The following PREP variants were observed in gnomAD, a reference collection of about 807,000 sequenced individuals.
PREP encodes the protein dJ355L5.1 (prolyl endopeptidase).
PREP carries 29 observed loss-of-function variants against 87.6 expected under a neutral mutation model. The ratio of observed to expected loss-of-function variants is 0.33; its 90% CI spans 0.25 to 0.45. The LOEUF is 0.45. PREP is among the 20% of genes least tolerant of loss of function. The probability of loss-of-function intolerance (pLI) is 1.00; values close to 1 mark genes in which losing one functional copy is unlikely to be tolerated. For synonymous variants in PREP, 337 were observed against 328.6 expected (o/e 1.03, Z -0.28); for missense variants, 695 against 886.5 (o/e 0.78, Z 2.74).
At chr6:105,307,801 CAG>C (rs1562194074) in intron 10 of PREP, among the ~76,000 whole-genome samples, 1 of 152,028 alleles carries the variant, frequency 6.6e-6, no homozygotes, top group Non-Finnish European at 1.5e-5. Flanking sequence ...TTAGTAGAGA[CAG>C]AGTTTTTCCA....
intron 7 of PREP, 114 bp downstream of exon 7, chr6:105,352,858 G>T: frequency 1.1e-6 from 1 of 904,012 alleles, no homozygotes; most frequent in South Asian, 1.7e-5. Context: ...CAGATGAACT[G>T]ACATGATGTG....
chr6:105,397,840 G>C lies in PREP; in HGVS notation c.120+13C>G, dbSNP rs1773323969. The C allele has an allele frequency of 6.3e-7, 1 of 1,590,558 alleles. No homozygotes were observed. The highest frequency in any genetic ancestry group is 8.6e-7 in the Non-Finnish European group (1 of 1,158,748). On this transcript the variant is annotated intron_variant, in intron 2 of 14. Coordinates refer to ENST00000652536, the MANE Select transcript of PREP (RefSeq NM_002726.5). ...ACTAAGGCTGCCTTATCTTTAATTAGAAACCAAATTACCTTAGTCTGTTCA... is the reference window on the plus strand; with the variant it reads ...ACTAAGGCTGCCTTATCTTTAATTACAAACCAAATTACCTTAGTCTGTTCA...
At chr6:105,338,014 A>G (rs1771524251) in intron 7 of PREP, among the ~76,000 whole-genome samples, 1 of 152,204 alleles carries the variant, frequency 6.6e-6, no homozygotes, top group South Asian at 2.1e-4. Flanking sequence ...AAAAATCCCC[A>G]TTCCTTAAAA....
At chr6:105,400,141 A>G (rs1254194153) in intron 1 of PREP, among the ~76,000 whole-genome samples, 1 of 152,136 alleles carries the variant, frequency 6.6e-6, no homozygotes, top group African/African-American at 2.4e-5. Context: ...TACCCTACAA[A>G]TGAGGTGGAT....
intron 1 of PREP, among the ~76,000 whole-genome samples, chr6:105,399,061 A>C (rs6568372): frequency 0.45 from 68,599 of 151,630 alleles, 19,154 homozygotes; most frequent in African/African-American, 0.8. Context: ...GAGCTGAGAC[A>C]ACGCCTATTG....
chr6:105,323,762 A>G lies in PREP; in HGVS notation c.1220T>C (p.Ile407Thr), dbSNP rs571209665. ...CTCTTTGGTAAGATCACAGTGATAA[A>G]TGATACCTAAAAAGTAGAATAAGGC... is the stretch of plus-strand genomic sequence containing the variant. ...QFTSFLSPGI[I>T]YHCDLTKEEL... Residue 407 changes from isoleucine to threonine, a missense_variant, in exon 10 of 15, where the codon ATT (isoleucine) becomes ACT (threonine). Ile to Thr is a moderately conservative substitution (Grantham distance 89, BLOSUM62 -1). This residue lies in a region of PREP where 517 missense variants were observed against 620.3 expected (regional missense o/e 0.83). Transcript: ENST00000652536. The G allele has an allele frequency of 1.9e-6, 3 of 1,610,806 alleles. No homozygotes were observed. Among genetic ancestry groups the G allele is most frequent in the Non-Finnish European group, 2.5e-6 (3 of 1,177,000 alleles).
In PREP at chr6:105,373,846, A is replaced by C. The variant is rs541838908; in HGVS notation, c.386-268T>G. The stretch of plus-strand genomic sequence containing the variant: ...ATTATATGCCTACTAAAATGCTTTC[A>C]TTTTGAAATTTTTATAATGCAATAG... On this transcript the variant is annotated intron_variant, in intron 4 of 14. Transcript: ENST00000652536. 1.1e-4 allele frequency among the ~76,000 whole-genome samples: 16 copies of C among 152,346 alleles called. No individual in the cohort carries two copies. The South Asian group carries it at 3.3e-3, about 32-fold the overall frequency.
intron 7 of PREP, among the ~76,000 whole-genome samples, chr6:105,338,234 A>C (rs1231360423): frequency 6.6e-6 from 1 of 152,184 alleles, no homozygotes; most frequent in African/African-American, 2.4e-5. Flanking sequence ...TTCACAAAAT[A>C]ACCACCTTAT....
At chr6:105,385,283 TAA>T (rs11354337) in intron 2 of PREP, among the ~76,000 whole-genome samples, 82 of 122,594 alleles carry the variant, frequency 6.7e-4, no homozygotes, top group African/African-American at 1.2e-3. Context: ...AGATCTGCTT[TAA>T]AAAAAAAAAA....
At chr6:105,291,131 A>AC (rs397973662) in intron 10 of PREP, among the ~76,000 whole-genome samples, 3 of 152,168 alleles carry the variant, frequency 2.0e-5, no homozygotes, top group Non-Finnish European at 4.4e-5. Flanking sequence ...GCTAAAAAAA[A>AC]CACTAATGGT....
chr6:105,333,287 C>T, intron 8 of PREP, 27 bp downstream of exon 8: 1 of 1,596,010 alleles, frequency 6.3e-7, no homozygotes, highest in Non-Finnish European at 8.6e-7. Flanking sequence ...AACAAGAGCA[C>T]AATTTTCAAG....
chr6:105,400,800 C>T (rs1583112976), intron 1 of PREP, among the ~76,000 whole-genome samples: 1 of 152,198 alleles, frequency 6.6e-6, no homozygotes, highest in African/African-American at 2.4e-5. Context: ...AAGCTTTCAG[C>T]AGGAGAGTAC....
rs890850416 is a variant in PREP at position 105,274,769 on chromosome 6, A to C, written c.*3375T>G. Among the ~76,000 whole-genome samples, 3 of 152,062 alleles carry C rather than the reference A, an allele frequency of 2.0e-5. No homozygotes were observed. The highest frequency in any genetic ancestry group is 2.1e-4 in the South Asian group (1 of 4,810). On this transcript the variant is annotated 3_prime_UTR_variant, in exon 15 of 15. Transcript: ENST00000652536. ...GGCCGTAACAGCAAAACTCCATCCC[A>C]AAAAAAGAGTGCAGTATCCAAGGCC...
At chr6:105,360,096 A>G (rs965486576) in intron 6 of PREP, among the ~76,000 whole-genome samples, 3 of 152,224 alleles carry the variant, frequency 2.0e-5, no homozygotes, top group African/African-American at 7.2e-5. Flanking sequence ...CAGGCCCAAC[A>G]AACAGTTCAC....
chr6:105,277,959 A>C lies in PREP; in HGVS notation c.*185T>G, dbSNP rs1264952267. On this transcript the variant is annotated 3_prime_UTR_variant, in exon 15 of 15. Coordinates refer to ENST00000652536, the MANE Select transcript of PREP (RefSeq NM_002726.5). The stretch of plus-strand genomic sequence containing the variant: ...AGACAGGGTGGAAAAAGAAACACCA[A>C]GGCCTTGCTAAAAAGGAGAAGCCTA... The C allele has an allele frequency of 1.2e-6, 1 of 843,784 alleles. No homozygotes were observed. Among genetic ancestry groups the C allele is most frequent in the African/African-American group, 1.7e-5 (1 of 58,624 alleles). 52.3% of individuals were successfully genotyped at this position (843,784 alleles called of 1,614,324 possible).
chr6:105,289,997 T>G (rs1332009748), intron 10 of PREP, among the ~76,000 whole-genome samples: 1 of 151,168 alleles, frequency 6.6e-6, no homozygotes, highest in Non-Finnish European at 1.5e-5. Context: ...GAGATAGGAG[T>G]TATAGGACCA....
At chr6:105,340,885 T>C (rs1233343817) in intron 7 of PREP, among the ~76,000 whole-genome samples, 1 of 152,192 alleles carries the variant, frequency 6.6e-6, no homozygotes, top group Non-Finnish European at 1.5e-5. Context: ...CCCAGATTCA[T>C]AAAGCAAGTC....
At chr6:105,305,545 A>G (rs906673658) in intron 10 of PREP, among the ~76,000 whole-genome samples, 1 of 152,182 alleles carries the variant, frequency 6.6e-6, no homozygotes, top group South Asian at 2.1e-4. Flanking sequence ...TGGGGTGGGG[A>G]AAAACGGGGC....
chr6:105,307,279 G>A (rs1562193943), intron 10 of PREP, among the ~76,000 whole-genome samples: 2 of 152,064 alleles, frequency 1.3e-5, no homozygotes, highest in Admixed American at 6.5e-5. Context: ...GAATTTGTAT[G>A]TATGATTTCT....
Sources: allele counts gnomAD v4.1 joint callset (sites outside exome capture counted in the v4.1 genomes callset), GRCh38; gene constraint gnomAD v4.1.1; regional missense constraint gnomAD v4.1.1; transcripts MANE v1.5; gene names NCBI Gene and HGNC (gene_info 2026-07-23, HGNC 2026-07-21).